Variants in PRR16 observed in about 807,000 individuals in gnomAD.
PRR16 encodes protein Largen.
In PRR16, 6 loss-of-function variants were observed where a neutral mutation model predicts 18.2. The ratio of observed to expected loss-of-function variants is 0.33; its 90% CI spans 0.18 to 0.65. The LOEUF (loss-of-function observed/expected upper bound fraction) is 0.65. Among genes scored for constraint, PRR16 ranks in the 30% least tolerant of loss-of-function variants. PRR16 has a pLI of 0.74. For missense variants in PRR16, 412 were observed against 376.6 expected, an observed-to-expected ratio of 1.09 and a Z score of -0.78; for synonymous variants, 151 against 147.8, an observed-to-expected ratio of 1.02 and a Z score of -0.16.
intron 1 of PRR16, among the ~76,000 whole-genome samples, chr5:120,549,837 T>C (rs1194103369): frequency 6.6e-6 from 1 of 152,058 alleles, no homozygotes; most frequent in Admixed American, 6.6e-5. Flanking sequence ...CACCTAGGGA[T>C]ACAATGCAGA....
chr5:120,721,226 C>G, the PRR16 span, among the ~76,000 whole-genome samples: 2 of 151,904 alleles, frequency 1.3e-5, no homozygotes, highest in Non-Finnish European at 1.5e-5. Flanking sequence ...TATCAGTGAA[C>G]AAAACAGAGA....
intron 1 of PRR16, among the ~76,000 whole-genome samples, chr5:120,555,255 T>C (rs1376013034): frequency 3.9e-5 from 6 of 151,968 alleles, no homozygotes; most frequent in Non-Finnish European, 5.9e-5. Flanking sequence ...ATAGGTGTCA[T>C]ATAAGATTTA....
intron 1 of PRR16, among the ~76,000 whole-genome samples, chr5:120,608,486 AG>A (rs1286970258): frequency 6.6e-6 from 1 of 152,220 alleles, no homozygotes; most frequent in Non-Finnish European, 1.5e-5. Flanking sequence ...GCAAACATAA[AG>A]ACAAAAATAT....
At chr5:120,794,119 C>G in the PRR16 span, among the ~76,000 whole-genome samples, 1 of 152,074 alleles carries the variant, frequency 6.6e-6, no homozygotes, top group Admixed American at 6.6e-5. Context: ...CCACTATAAT[C>G]TCTCTCACTC....
chr5:120,498,946 A>G (rs1381202117), intron 1 of PRR16, among the ~76,000 whole-genome samples: 5 of 149,472 alleles, frequency 3.3e-5, no homozygotes, highest in Non-Finnish European at 7.4e-5. Flanking sequence ...TACTACTTTA[A>G]AGATTATTTC....
rs78018931 is a variant in PRR16 at position 120,686,221 on chromosome 5, A to G, written c.427A>G (p.Thr143Ala). Residue 143 changes from threonine to alanine, a missense_variant, in exon 2 of 2, where the codon ACT becomes GCT. Thr to Ala is a moderately conservative substitution (Grantham distance 58). Coordinates refer to ENST00000407149, the MANE Select transcript of PRR16 (RefSeq NM_001300783.2). Reference protein sequence around the residue: ...KCEDPKRVVPTANPVKTNGTL... With the variant: ...KCEDPKRVVPAANPVKTNGTL... ...TGAAGACCCCAAAAGGGTGGTTCCA[A>G]CTGCCAATCCTGTAAAAACCAATGG... 1.2e-6 allele frequency: 2 copies of G among 1,614,144 alleles called. No homozygotes were observed. The highest frequency in any genetic ancestry group is 2.2e-5 in the East Asian group (1 of 44,870).
chr5:120,699,415 A>T, the PRR16 span, among the ~76,000 whole-genome samples: 1 of 152,154 alleles, frequency 6.6e-6, no homozygotes, highest in Non-Finnish European at 1.5e-5. Context: ...CAGGTGGATC[A>T]GAGAGATACA....
the PRR16 span, among the ~76,000 whole-genome samples, chr5:120,709,425 T>A: frequency 6.6e-6 from 1 of 152,226 alleles, no homozygotes; most frequent in Non-Finnish European, 1.5e-5. Context: ...GCTTACAATA[T>A]GAGATGATCA....
In PRR16 at chr5:120,681,305, C is replaced by A. The variant is rs151335605; in HGVS notation, c.160-4649C>A. ...TATTTTGGAAGTGATAATTTTATATCTGTTATTTCAATAGTTTCTGCAAAA... is the reference window on the plus strand; with the variant it reads ...TATTTTGGAAGTGATAATTTTATATATGTTATTTCAATAGTTTCTGCAAAA... On this transcript the variant is annotated intron_variant, in intron 1 of 1. Transcript: ENST00000407149. 7.2e-5 allele frequency among the ~76,000 whole-genome samples: 11 copies of A among 152,084 alleles called. No individual in the cohort carries two copies. In the East Asian group the frequency reaches 2.1e-3, roughly 29 times the overall value.
At chr5:120,712,097 C>CAT in the PRR16 span, among the ~76,000 whole-genome samples, 2 of 152,026 alleles carry the variant, frequency 1.3e-5, no homozygotes, top group Non-Finnish European at 1.5e-5. Context: ...CTTTTTTTAT[C>CAT]ATATAAGTTT....
At chr5:120,464,691 C>A in intron 1 of PRR16, 46 bp downstream of exon 1, 1 of 1,468,920 alleles carries the variant, frequency 6.8e-7, no homozygotes, top group South Asian at 1.3e-5. Flanking sequence ...CCTTCGACCC[C>A]TCCGGGGTCC....
At chr5:120,589,614 G>A (rs1158538102) in intron 1 of PRR16, among the ~76,000 whole-genome samples, 2 of 152,052 alleles carry the variant, frequency 1.3e-5, no homozygotes, top group African/African-American at 4.8e-5. Context: ...ATGGCAGGGG[G>A]TGAAAGGCAC....
intron 1 of PRR16, among the ~76,000 whole-genome samples, chr5:120,649,603 T>C (rs17146895): frequency 0.054 from 8,167 of 152,216 alleles, 754 homozygotes; most frequent in African/African-American, 0.19. Flanking sequence ...TTTAGATTAC[T>C]GAATGACATT....
intron 1 of PRR16, among the ~76,000 whole-genome samples, chr5:120,495,088 G>A (rs6871554): frequency 0.27 from 40,542 of 151,606 alleles, 6,591 homozygotes; most frequent in African/African-American, 0.46. Context: ...TTTCATTTCA[G>A]AATAAAACTT....
At chr5:120,659,397 A>G (rs754757472) in intron 1 of PRR16, among the ~76,000 whole-genome samples, 2 of 150,904 alleles carry the variant, frequency 1.3e-5, no homozygotes, top group Non-Finnish European at 3.0e-5. Flanking sequence ...AAAATGTAAT[A>G]TATTTTCTCC....
chr5:120,744,067 T>C, the PRR16 span, among the ~76,000 whole-genome samples: 2 of 151,986 alleles, frequency 1.3e-5, no homozygotes, highest in Non-Finnish European at 2.9e-5. Flanking sequence ...CACTGTACAA[T>C]GTACATAAAA....
At chr5:120,583,666 G>T (rs954168668) in intron 1 of PRR16, among the ~76,000 whole-genome samples, 1 of 152,174 alleles carries the variant, frequency 6.6e-6, no homozygotes, top group Non-Finnish European at 1.5e-5. Context: ...GCTAAGCTTA[G>T]TTGGCTGACA....
At chr5:120,496,389 T>C (rs1750246481) in intron 1 of PRR16, among the ~76,000 whole-genome samples, 1 of 152,122 alleles carries the variant, frequency 6.6e-6, no homozygotes, top group South Asian at 2.1e-4. Flanking sequence ...CCATAATGGT[T>C]ATAGAGTTAT....
At chr5:120,698,784 G>A in the PRR16 span, among the ~76,000 whole-genome samples, 190 of 152,216 alleles carry the variant, frequency 1.2e-3, no homozygotes, top group African/African-American at 4.2e-3. Flanking sequence ...AGCTTGGTGA[G>A]GTGTGTTTTT....
Sources: gnomAD v4.1 joint callset for allele counts (sites outside exome capture counted in the v4.1 genomes callset) on GRCh38, gnomAD v4.1.1 for gene constraint, MANE v1.5 for transcripts, NCBI Gene and HGNC (gene_info 2026-07-23, HGNC 2026-07-21) for gene names.